Variants in ANKRD40 observed in about 807,000 individuals in gnomAD.
The protein encoded by ANKRD40 is ankyrin repeat domain 40.
In ANKRD40, 24 loss-of-function variants were observed where a neutral mutation model predicts 35.5. The ratio of observed to expected loss-of-function variants is 0.68; its 90% CI spans 0.49 to 0.95. The LOEUF (loss-of-function observed/expected upper bound fraction) is 0.95, where lower values mean the gene tolerates loss of function less well. ANKRD40 is among the 40% of genes least tolerant of loss of function. ANKRD40 has a pLI of 0.00. For synonymous variants in ANKRD40, 147 were observed against 173.5 expected (o/e 0.85, Z 1.20); for missense variants, 361 against 436.0 (o/e 0.83, Z 1.53).
chr17:50,698,507 A>G (rs1031984269), intron 3 of ANKRD40, among the ~76,000 whole-genome samples: 1 of 152,192 alleles, frequency 6.6e-6, no homozygotes, highest in Non-Finnish European at 1.5e-5. Context: ...ATATCCCACA[A>G]AAATAATTGG....
At chr17:50,697,245 CTG>C in intron 3 of ANKRD40, 124 bp from the exon 4 acceptor site, 4 of 967,482 alleles carry the variant, frequency 4.1e-6, no homozygotes, top group Non-Finnish European at 5.8e-6. Flanking sequence ...ATTAACAGAC[CTG>C]TTTGGTGGGA....
chr17:50,707,493 C>G lies in ANKRD40; in HGVS notation c.134+28G>C. The G allele has an allele frequency of 6.3e-7, 1 of 1,596,932 alleles. No homozygotes were observed. Among genetic ancestry groups the G allele is most frequent in the Non-Finnish European group, 8.5e-7 (1 of 1,171,690 alleles). The stretch of plus-strand genomic sequence containing the variant: ...CACGCCTTCCGACCGGCTGCCCTGA[C>G]CCTAGGCCTCCCCCGCTCCCCACTT... On this transcript the variant is annotated intron_variant, in intron 1 of 4. Transcript: ENST00000285243. This position sits in a 1 kb window ranked among gnomAD's most constrained non-coding sequence, Gnocchi z 4.8.
intron 2 of ANKRD40, chr17:50,700,361 T>C (rs1968255805): frequency 2.2e-6 from 1 of 456,286 alleles, no homozygotes; most frequent in Non-Finnish European, 3.8e-6. Flanking sequence ...GAGAATCACT[T>C]GAACCTGGGA....
At chr17:50,706,089 G>A (rs1968333756) in intron 1 of ANKRD40, among the ~76,000 whole-genome samples, 1 of 151,604 alleles carries the variant, frequency 6.6e-6, no homozygotes, top group African/African-American at 2.4e-5. Flanking sequence ...GTTCCAAAAT[G>A]GATGATTCCA....
chr17:50,695,822 G>A lies in ANKRD40; in HGVS notation c.*175C>T. ...GTGCACCAAGAGGCTTGGAAGAGTGGCACCACTGCTTGGGGGTCAGGGGCT... is the reference window on the plus strand; with the variant it reads ...GTGCACCAAGAGGCTTGGAAGAGTGACACCACTGCTTGGGGGTCAGGGGCT... On this transcript the variant is annotated 3_prime_UTR_variant, in exon 5 of 5. Transcript: ENST00000285243. 1 of 631,996 alleles carries A rather than the reference G, an allele frequency of 1.6e-6. No homozygotes were observed. 39.1% of individuals were successfully genotyped at this position (631,996 alleles called of 1,614,324 possible).
intron 3 of ANKRD40, among the ~76,000 whole-genome samples, chr17:50,699,035 T>C (rs8072431): frequency 0.011 from 1,638 of 149,332 alleles, 25 homozygotes; most frequent in African/African-American, 0.039. Flanking sequence ...GGCATGCTCC[T>C]GTAATCTCAG....
At position 50,694,444 on chromosome 17, in the gene ANKRD40, A is replaced by T. The variant is rs1246574142; in HGVS notation, c.*1553T>A. ...TGTTCTAATAAAATTAAGTTAACAC[A>T]GTTAGGAAGTTGAGTTTCTTTGGAA... On this transcript the variant is annotated 3_prime_UTR_variant, in exon 5 of 5. Coordinates refer to ENST00000285243, the MANE Select transcript of ANKRD40 (RefSeq NM_052855.4). The T allele has an allele frequency of 6.6e-6, 1 of 152,216 alleles. No homozygotes were observed. The highest frequency in any genetic ancestry group is 1.5e-5 in the Non-Finnish European group (1 of 68,032). 9.4% of individuals were successfully genotyped at this position (152,216 alleles called of 1,614,324 possible).
intron 3 of ANKRD40, among the ~76,000 whole-genome samples, chr17:50,698,089 G>A (rs966395044): frequency 5.9e-5 from 9 of 151,982 alleles, no homozygotes; most frequent in African/African-American, 2.2e-4. Flanking sequence ...ACATCCTGGT[G>A]TCTGAATACC....
Position 50,707,037 on chromosome 17 carries a change from G to A in ANKRD40, c.134+484C>T, listed in dbSNP as rs1331146814. 1.3e-5 allele frequency among the ~76,000 whole-genome samples: 2 copies of A among 151,866 alleles called. No individual in the cohort carries two copies. The highest frequency in any genetic ancestry group is 3.8e-4 in the East Asian group (2 of 5,198). On this transcript the variant is annotated intron_variant, in intron 1 of 4. Transcript: ENST00000285243. The surrounding 1 kb of genome is among the most constrained non-coding windows in gnomAD (Gnocchi z 4.8). ...CAGTGAAACAACAGAGAAGCAGAAT[G>A]GTGATGCAAATGTGTTTTTTTTTCC...
chr17:50,705,387 T>C (rs16949221), intron 1 of ANKRD40, among the ~76,000 whole-genome samples: 21,810 of 149,670 alleles, frequency 0.15, 1,721 homozygotes, highest in Non-Finnish European at 0.18. Context: ...TGAGAAAAGG[T>C]TACATACACA....
At position 50,693,452 on chromosome 17, in the gene ANKRD40, T is replaced by G. The variant is rs1968154246; in HGVS notation, c.*2545A>C. 6.6e-6 allele frequency: 1 copy of G among 152,282 alleles called. No individual in the cohort carries two copies. The highest frequency in any genetic ancestry group is 1.5e-5 in the Non-Finnish European group (1 of 68,066). The allele number at this position is 152,282 out of a possible 1,614,324, so 9.4% of individuals were successfully genotyped here. A position where few individuals can be genotyped will look rare whatever the true frequency, so the allele number is the denominator to read the frequency against. On this transcript the variant is annotated 3_prime_UTR_variant, in exon 5 of 5. Coordinates refer to ENST00000285243, the MANE Select transcript of ANKRD40 (RefSeq NM_052855.4). ...CTCACCTACCAGCAACTGTGCAGTC[T>G]TATTCCACTGCGATACGCAGTAGTC...
intron 1 of ANKRD40, among the ~76,000 whole-genome samples, chr17:50,706,124 ACT>A (rs1491184443): frequency 1.5e-5 from 2 of 134,410 alleles, no homozygotes; most frequent in Non-Finnish European, 3.2e-5. Context: ...ATGTAAACTC[ACT>A]TTTTTTTTTT....
intron 4 of ANKRD40, chr17:50,696,662 G>C: frequency 3.3e-6 from 1 of 300,886 alleles, no homozygotes. Flanking sequence ...TGAATGCAAT[G>C]GTGTTTACAA....
intron 3 of ANKRD40, among the ~76,000 whole-genome samples, chr17:50,698,884 A>C (rs1968230984): frequency 1.3e-5 from 2 of 151,756 alleles, no homozygotes; most frequent in African/African-American, 4.8e-5. Context: ...TCACACCTAT[A>C]ATCTCAGCAC....
rs1968194205 is a variant in ANKRD40 at position 50,695,812 on chromosome 17, T to G, written c.*185A>C. 1.0e-5 allele frequency: 6 copies of G among 595,786 alleles called. No homozygotes were observed. Among genetic ancestry groups the G allele is most frequent in the Non-Finnish European group, 1.7e-5 (6 of 355,878 alleles). The allele number at this position is 595,786 out of a possible 1,614,324, so 36.9% of individuals were successfully genotyped here. A position where few individuals can be genotyped will look rare whatever the true frequency, so the allele number is the denominator to read the frequency against. On this transcript the variant is annotated 3_prime_UTR_variant, in exon 5 of 5. Coordinates refer to ENST00000285243, the MANE Select transcript of ANKRD40 (RefSeq NM_052855.4). The stretch of plus-strand genomic sequence containing the variant: ...TAGGTTTACTGTGCACCAAGAGGCT[T>G]GGAAGAGTGGCACCACTGCTTGGGG...
rs1968164708 is a variant in ANKRD40, at chr17:50,694,093, G to GCA, written c.*1902_*1903dup. 1 of 142,122 alleles carries GCA rather than the reference G, an allele frequency of 7.0e-6. No homozygotes were observed. The allele number at this position is 142,122 out of a possible 1,614,324, so 8.8% of individuals were successfully genotyped here. Reference sequence around the variant, plus strand: ...TTCAGTGAGCTGAGATTATGCCACTGCACTTCAGCCTGGGCAACAAAGCAA... The same window carrying GCA: ...TTCAGTGAGCTGAGATTATGCCACTGCACACTTCAGCCTGGGCAACAAAGCAA... On this transcript the variant is annotated 3_prime_UTR_variant, in exon 5 of 5. Transcript: ENST00000285243.
At chr17:50,699,334 T>C in intron 3 of ANKRD40, 65 bp downstream of exon 3, 2 of 1,563,562 alleles carry the variant, frequency 1.3e-6, no homozygotes, top group Non-Finnish European at 1.7e-6. Context: ...GAATACCTCA[T>C]TAAATCCCAC....
Position 50,699,595 on chromosome 17 carries a change from A to G in ANKRD40, c.582T>C (p.Ser194=). 1 of 1,614,180 alleles carries G rather than the reference A, an allele frequency of 6.2e-7. No individual in the cohort carries two copies. The highest frequency in any genetic ancestry group is 1.3e-5 in the African/African-American group (1 of 75,042). Residue 194 remains serine, a synonymous_variant, in exon 3 of 5, where the codon TCT becomes TCC. Transcript: ENST00000285243. The part of the protein sequence containing the change: ...LVQNGDVSAP[S]AILRTPESTK... ...TGCTTTCTGGTGTTCTGAGTATGGC[A>G]GAGGGGGCCGACACATCACCATTCT...
Position 50,699,465 on chromosome 17 carries a change from A to G in ANKRD40, c.712T>C (p.Tyr238His), listed in dbSNP as rs750404766. 6 of 1,614,248 alleles carry G rather than the reference A, an allele frequency of 3.7e-6. No homozygotes were observed. In the South Asian group the frequency reaches 5.5e-5, roughly 15 times the overall value. Residue 238 changes from tyrosine (Y) to histidine (H), a missense_variant, in exon 3 of 5, where the codon TAT becomes CAT. By Grantham distance (83) the Tyr-to-His change is moderately conservative (BLOSUM62 2). Transcript: ENST00000285243. ...TGGAATGCTGGCGCTGGTCCTGCATACGTCCCATTTTGAGGCTCCAGAGAC... is the reference window on the plus strand; with the variant it reads ...TGGAATGCTGGCGCTGGTCCTGCATGCGTCCCATTTTGAGGCTCCAGAGAC... ...PMSLEPQNGT[Y>H]AGPAPAFQPF...
Sources: allele counts gnomAD v4.1 joint callset (sites outside exome capture counted in the v4.1 genomes callset), GRCh38; gene constraint gnomAD v4.1.1; non-coding constraint Gnocchi (gnomAD v3.1); transcripts MANE v1.5; gene names NCBI Gene and HGNC (gene_info 2026-07-23, HGNC 2026-07-21).